Variants in NRXN1 observed in about 807,000 individuals in gnomAD.
The protein encoded by NRXN1 is neurexin 1.
A neutral mutation model predicts 150.9 loss-of-function variants in NRXN1; 39 were observed. The observed-to-expected ratio is 0.26, with a 90% CI of 0.20 to 0.34. NRXN1 has a LOEUF of 0.34. Among genes scored for constraint, NRXN1 ranks in the 10% least tolerant of loss-of-function variants. The probability of loss-of-function intolerance (pLI) is 1.00; values close to 1 mark genes in which losing one functional copy is unlikely to be tolerated. For missense variants in NRXN1, 1,815 were observed against 1,949.9 expected, an observed-to-expected ratio of 0.93 and a Z score of 1.30; for synonymous variants, 924 against 757.0, an observed-to-expected ratio of 1.22 and a Z score of -3.62.
chr2:50,452,420 C>T (rs184678893), intron 17 of NRXN1, among the ~76,000 whole-genome samples: 2 of 152,232 alleles, frequency 1.3e-5, no homozygotes, highest in East Asian at 3.9e-4. Context: ...AAAGACAAGG[C>T]AAACCAAATC....
intron 2 of NRXN1, among the ~76,000 whole-genome samples, chr2:50,955,565 C>T (rs1692144086): frequency 6.6e-6 from 1 of 152,088 alleles, no homozygotes; most frequent in Non-Finnish European, 1.5e-5. Context: ...GTCAAAGGAT[C>T]ATAAATAAGT....
chr2:50,396,757 A>T (rs1157781744), intron 17 of NRXN1, among the ~76,000 whole-genome samples: 2 of 152,150 alleles, frequency 1.3e-5, no homozygotes, highest in African/African-American at 4.8e-5. Context: ...ATTCTGGAGG[A>T]GTAAGCATTC....
intron 21 of NRXN1, among the ~76,000 whole-genome samples, chr2:50,049,421 G>T (rs1291863970): frequency 6.6e-6 from 1 of 152,120 alleles, no homozygotes; most frequent in Admixed American, 6.6e-5. Flanking sequence ...AAAGTACAAT[G>T]ATGTGACCCA....
chr2:50,309,729 C>T (rs953237954), intron 17 of NRXN1, among the ~76,000 whole-genome samples: 3 of 152,136 alleles, frequency 2.0e-5, no homozygotes, highest in African/African-American at 7.2e-5. Context: ...CTATGGGACC[C>T]TTGCCAGCTG....
At chr2:50,770,744 T>C (rs1307218052) in intron 5 of NRXN1, among the ~76,000 whole-genome samples, 5 of 152,064 alleles carry the variant, frequency 3.3e-5, no homozygotes. Flanking sequence ...TCTTCATAGA[T>C]AAATGCTCAA....
chr2:50,161,451 T>C (rs1574248631), intron 18 of NRXN1, among the ~76,000 whole-genome samples: 1 of 152,072 alleles, frequency 6.6e-6, no homozygotes, highest in East Asian at 1.9e-4. Flanking sequence ...TTAAAAATGT[T>C]GAGGATGTCA....
intron 18 of NRXN1, among the ~76,000 whole-genome samples, chr2:50,134,273 GAAA>G (rs59985780): frequency 5.2e-5 from 5 of 96,468 alleles, no homozygotes; most frequent in South Asian, 3.5e-4. Context: ...AAAGTAACCA[GAAA>G]AAAAAAAAAA....
At chr2:50,417,334 T>C (rs1489128946) in intron 17 of NRXN1, 1 of 152,128 alleles carries the variant, frequency 6.6e-6, no homozygotes, top group Admixed American at 6.6e-5. Context: ...CTGTGTACTA[T>C]TTTATTGGGT....
At chr2:50,058,966 T>C (rs1048051384) in intron 19 of NRXN1, among the ~76,000 whole-genome samples, 9 of 152,106 alleles carry the variant, frequency 5.9e-5, no homozygotes, top group Non-Finnish European at 1.2e-4. Context: ...CACAGCAGTA[T>C]GAAAATAGAC....
chr2:50,032,524 T>C (rs1166895777), intron 21 of NRXN1, among the ~76,000 whole-genome samples: 2 of 152,074 alleles, frequency 1.3e-5, no homozygotes, highest in Non-Finnish European at 2.9e-5. Flanking sequence ...TTTAGTAATA[T>C]ACACCAAGAT....
intron 21 of NRXN1, among the ~76,000 whole-genome samples, chr2:50,008,468 AT>A (rs3046626): frequency 1.5e-3 from 201 of 136,328 alleles, no homozygotes; most frequent in East Asian, 3.0e-3. Context: ...GAAGGATGCC[AT>A]TTTTTTTTTT....
intron 8 of NRXN1, among the ~76,000 whole-genome samples, chr2:50,604,518 C>A (rs1362469343): frequency 1.3e-5 from 2 of 152,166 alleles, no homozygotes; most frequent in Non-Finnish European, 2.9e-5. Context: ...TTTCTCCAGA[C>A]ACACTAATTC....
intron 18 of NRXN1, among the ~76,000 whole-genome samples, chr2:50,193,291 G>C (rs1290008359): frequency 6.6e-6 from 1 of 152,068 alleles, no homozygotes; most frequent in East Asian, 1.9e-4. Context: ...CAATATCATA[G>C]TTTCTCTAAA....
chr2:50,302,504 G>A (rs1288778210), intron 17 of NRXN1, among the ~76,000 whole-genome samples: 1 of 152,122 alleles, frequency 6.6e-6, no homozygotes, highest in African/African-American at 2.4e-5. Context: ...TGCCTTGATT[G>A]ACAATTAATT....
At chr2:50,017,677 T>A (rs1056689676) in intron 21 of NRXN1, among the ~76,000 whole-genome samples, 1 of 117,096 alleles carries the variant, frequency 8.5e-6, no homozygotes, top group Admixed American at 8.7e-5. Context: ...TTTTTTTTTT[T>A]GGATTTACAT....
In NRXN1 at chr2:50,152,835, T is replaced by C. The variant is rs150357060; in HGVS notation, c.3547-61341A>G. On this transcript the variant is annotated intron_variant, in intron 18 of 22. Coordinates refer to ENST00000401669, the MANE Select transcript of NRXN1 (RefSeq NM_001330078.2). ...TTCATCCTACTTTACATGTTTTGAA[T>C]TTCTTGGAGTTTTATATTTATGTTT... Among the ~76,000 whole-genome samples, 752 of 151,878 alleles carry C rather than the reference T, an allele frequency of 5.0e-3. 5 individuals are homozygous for C. The highest frequency in any genetic ancestry group is 0.016 in the African/African-American group (675 of 41,504).
chr2:50,419,668 T>C (rs2083817458), intron 17 of NRXN1, among the ~76,000 whole-genome samples: 1 of 151,924 alleles, frequency 6.6e-6, no homozygotes, highest in Admixed American at 6.6e-5. Flanking sequence ...ATCTTACAAA[T>C]TTGCATACAT....
intron 17 of NRXN1, among the ~76,000 whole-genome samples, chr2:50,278,045 T>C (rs919230213): frequency 7.1e-6 from 1 of 140,648 alleles, no homozygotes; most frequent in Admixed American, 7.8e-5. Flanking sequence ...TAGTGCTTTC[T>C]TATCTTTTCC....
At chr2:49,943,653 C>A in intron 22 of NRXN1, 51 bp downstream of exon 22, 1 of 1,247,930 alleles carries the variant, frequency 8.0e-7, no homozygotes, top group Non-Finnish European at 1.2e-6. Flanking sequence ...ATATAACATG[C>A]AACAAAGATT....
Sources: gnomAD v4.1 joint callset for allele counts (sites outside exome capture counted in the v4.1 genomes callset) on GRCh38, gnomAD v4.1.1 for gene constraint, MANE v1.5 for transcripts, NCBI Gene and HGNC (gene_info 2026-07-23, HGNC 2026-07-21) for gene names.